TMPRSS15: variants seen among roughly 807,000 people sequenced by gnomAD.
TMPRSS15 encodes the protein transmembrane serine protease 15, also known as enteropeptidase.
In TMPRSS15, 128 loss-of-function variants were observed where a neutral mutation model predicts 125.3. The observed-to-expected ratio is 1.02, with a 90% confidence interval of 0.89 to 1.18. The LOEUF is 1.18. Ranked by LOEUF, TMPRSS15 falls within the 50% of genes most tolerant of loss-of-function variation. TMPRSS15 has a pLI of 0.00. For missense variants in TMPRSS15, 1,283 were observed against 1,212.7 expected (o/e 1.06, Z -0.86); for synonymous variants, 446 against 423.2 (o/e 1.05, Z -0.66).
At chr21:18,288,779 G>A (rs11702545) in intron 21 of TMPRSS15, among the ~76,000 whole-genome samples, 66,818 of 151,166 alleles carry the variant, frequency 0.44, 16,283 homozygotes, top group African/African-American at 0.64. Context: ...CCGAGCTCAG[G>A]CCCGCCTCGG....
At chr21:18,279,855 T>A (rs2074670716) in intron 22 of TMPRSS15, among the ~76,000 whole-genome samples, 1 of 152,110 alleles carries the variant, frequency 6.6e-6, no homozygotes, top group East Asian at 1.9e-4. Flanking sequence ...TTTTAGGAGA[T>A]TGTTTTACAG....
Position 18,285,292 on chromosome 21 carries a change from A to T in TMPRSS15, c.2487-4071T>A, listed in dbSNP as rs1187666376. 3.3e-5 allele frequency among the ~76,000 whole-genome samples: 5 copies of T among 152,352 alleles called. No individual in the cohort carries two copies. In the South Asian group the frequency reaches 1.0e-3, roughly 32 times the overall value. On this transcript the variant is annotated intron_variant, in intron 21 of 24. Transcript: ENST00000284885. ...GATGTGAAAATAACTTCACCACTCT[A>T]GGCATCAGGATGTCCATTTGTAAGT...
intron 1 of TMPRSS15, among the ~76,000 whole-genome samples, chr21:18,409,406 TG>T (rs1445398153): frequency 6.6e-6 from 1 of 152,096 alleles, no homozygotes; most frequent in Non-Finnish European, 1.5e-5. Context: ...AATCTTTTTT[TG>T]TGTTTTTGTT....
At chr21:18,365,333 C>A (rs564535850) in intron 6 of TMPRSS15, 85 bp from the exon 7 acceptor site, 182 of 1,029,062 alleles carry the variant, frequency 1.8e-4, no homozygotes, top group Non-Finnish European at 2.6e-4. Context: ...ATATTCATGG[C>A]AAAACCTGTA....
intron 1 of TMPRSS15, among the ~76,000 whole-genome samples, chr21:18,441,606 CAA>C (rs201137705): frequency 0.11 from 11,176 of 97,982 alleles, 420 homozygotes; most frequent in African/African-American, 0.16. Flanking sequence ...GACTCCATCT[CAA>C]AAAAAAAAAA....
intron 21 of TMPRSS15, among the ~76,000 whole-genome samples, chr21:18,283,588 T>C (rs1398417472): frequency 6.6e-6 from 1 of 151,870 alleles, no homozygotes; most frequent in Non-Finnish European, 1.5e-5. Context: ...TAATGAACTA[T>C]TAATATTTGC....
intron 1 of TMPRSS15, among the ~76,000 whole-genome samples, chr21:18,402,640 G>T (rs531577872): frequency 6.6e-6 from 1 of 151,924 alleles, no homozygotes; most frequent in South Asian, 2.1e-4. Flanking sequence ...TAATACGTAG[G>T]TTATTGCTAT....
chr21:18,416,132 G>A (rs28611347), intron 1 of TMPRSS15, among the ~76,000 whole-genome samples: 1,544 of 151,904 alleles, frequency 0.01, 29 homozygotes, highest in African/African-American at 0.036. Flanking sequence ...CATTGATGAC[G>A]GAAATTAAAG....
intron 14 of TMPRSS15, among the ~76,000 whole-genome samples, chr21:18,330,750 G>T (rs2075336072): frequency 6.6e-6 from 1 of 152,110 alleles, no homozygotes; most frequent in African/African-American, 2.4e-5. Context: ...GGATTTTTCA[G>T]ATTATCACTT....
intron 10 of TMPRSS15, among the ~76,000 whole-genome samples, chr21:18,347,346 C>T (rs2075519624): frequency 6.6e-6 from 1 of 152,022 alleles, no homozygotes; most frequent in Non-Finnish European, 1.5e-5. Flanking sequence ...AAGTGAATCT[C>T]CTGCCTCAGC....
intron 16 of TMPRSS15, among the ~76,000 whole-genome samples, chr21:18,316,464 G>T (rs2075167972): frequency 6.6e-6 from 1 of 152,110 alleles, no homozygotes; most frequent in African/African-American, 2.4e-5. Flanking sequence ...GAAACAGAAG[G>T]CTCAATTAAA....
intron 10 of TMPRSS15, among the ~76,000 whole-genome samples, chr21:18,344,963 A>G (rs188278414): frequency 1.3e-5 from 2 of 152,330 alleles, no homozygotes; most frequent in East Asian, 3.9e-4. Context: ...TTGCAACAGA[A>G]AAATATAGGC....
intron 1 of TMPRSS15, among the ~76,000 whole-genome samples, chr21:18,437,690 G>T (rs2076230992): frequency 6.6e-6 from 1 of 152,170 alleles, no homozygotes; most frequent in South Asian, 2.1e-4. Context: ...CTTCTCAAAA[G>T]AAGACATTTA....
At chr21:18,336,092 C>T (rs2075389954) in intron 13 of TMPRSS15, among the ~76,000 whole-genome samples, 1 of 152,012 alleles carries the variant, frequency 6.6e-6, no homozygotes, top group Non-Finnish European at 1.5e-5. Flanking sequence ...TTCCTTGATG[C>T]ATGTCATTTT....
chr21:18,403,454 A>C, intron 1 of TMPRSS15, 24 bp downstream of exon 1: 1 of 1,614,116 alleles, frequency 6.2e-7, no homozygotes. Context: ...GAGCACCTTC[A>C]CGAGCCAACT....
At chr21:18,472,798 G>T (rs972205761) in intron 1 of TMPRSS15, among the ~76,000 whole-genome samples, 2 of 151,986 alleles carry the variant, frequency 1.3e-5, no homozygotes, top group African/African-American at 4.8e-5. Context: ...CATATTTGAA[G>T]TTAGGGCTAT....
At chr21:18,281,749 T>C (rs562988235) in intron 21 of TMPRSS15, among the ~76,000 whole-genome samples, 34 of 152,256 alleles carry the variant, frequency 2.2e-4, no homozygotes, top group African/African-American at 7.7e-4. Context: ...TGTAGTATAA[T>C]GGAAGGAAGT....
intron 6 of TMPRSS15, among the ~76,000 whole-genome samples, chr21:18,365,706 C>CCTTCCTTCCTTCCTTCCT (rs2075728837): frequency 7.4e-6 from 1 of 135,162 alleles, no homozygotes; most frequent in African/African-American, 2.8e-5. Context: ...TTCCTACCTT[C>CCTTCCTTCCTTCCTTCCT]TCTCTCTCTC....
chr21:18,366,573 G>A (rs1211190518), intron 6 of TMPRSS15, among the ~76,000 whole-genome samples: 2 of 151,760 alleles, frequency 1.3e-5, no homozygotes, highest in Non-Finnish European at 1.5e-5. Flanking sequence ...AGAGATTTTT[G>A]TTTTTTTCAT....
Sources: gnomAD v4.1 joint callset for allele counts (sites outside exome capture counted in the v4.1 genomes callset) on GRCh38, gnomAD v4.1.1 for gene constraint, MANE v1.5 for transcripts, NCBI Gene and HGNC (gene_info 2026-07-23, HGNC 2026-07-21) for gene names.